Variants in UBE2D2 observed in about 807,000 individuals in gnomAD.
The protein encoded by UBE2D2 is ubiquitin-conjugating enzyme E2 D2.
UBE2D2 carries 2 observed loss-of-function variants against 24.2 expected under a neutral mutation model. The observed-to-expected ratio is 0.08, with a 90% CI of 0.03 to 0.26. The LOEUF (loss-of-function observed/expected upper bound fraction) is 0.26, where lower values mean the gene tolerates loss of function less well. Among genes scored for constraint, UBE2D2 ranks in the 10% least tolerant of loss-of-function variants. UBE2D2 has a pLI of 1.00. For missense variants in UBE2D2, 44 were observed against 177.6 expected (o/e 0.25, Z 4.28); for synonymous variants, 58 against 56.5 (o/e 1.03, Z -0.12).
chr5:139,595,895 T>G (rs554185132), intron 1 of UBE2D2, among the ~76,000 whole-genome samples: 42 of 121,526 alleles, frequency 3.5e-4, no homozygotes, highest in African/African-American at 1.1e-3. Flanking sequence ...TTTTGTTGTT[T>G]TTTTTTTTTT....
At chr5:139,592,894 C>T (rs561741222) in intron 1 of UBE2D2, among the ~76,000 whole-genome samples, 1 of 151,816 alleles carries the variant, frequency 6.6e-6, no homozygotes, top group Admixed American at 6.6e-5. Context: ...TGAGCCACCA[C>T]GCTTGGCTGC....
intron 1 of UBE2D2, among the ~76,000 whole-genome samples, chr5:139,552,302 A>G (rs1419978555): frequency 2.6e-5 from 4 of 151,648 alleles, no homozygotes; most frequent in African/African-American, 9.7e-5. Flanking sequence ...AGCTGGGATT[A>G]CAGGTGTGCA....
intron 1 of UBE2D2, among the ~76,000 whole-genome samples, chr5:139,598,717 C>A (rs1180661617): frequency 1.3e-5 from 2 of 150,860 alleles, no homozygotes; most frequent in Admixed American, 6.6e-5. Flanking sequence ...TGTGCCACCA[C>A]TCCCAGCTAA....
upstream of UBE2D2, among the ~76,000 whole-genome samples, chr5:139,558,856 A>G (rs548953786): frequency 1.3e-5 from 2 of 151,534 alleles, no homozygotes; most frequent in South Asian, 4.2e-4. Flanking sequence ...CCTGAGGTGC[A>G]GTGGAACCAC....
intron 1 of UBE2D2, among the ~76,000 whole-genome samples, chr5:139,567,056 A>AT (rs1753239499): frequency 6.6e-6 from 1 of 152,154 alleles, no homozygotes. Flanking sequence ...TACTTTCTGT[A>AT]TTTTTAAAAG....
At chr5:139,551,215 G>A (rs776099989) in intron 1 of UBE2D2, among the ~76,000 whole-genome samples, 1 of 152,050 alleles carries the variant, frequency 6.6e-6, no homozygotes, top group Non-Finnish European at 1.5e-5. Flanking sequence ...ATGTGGTGGT[G>A]GGTGCTTGTA....
At chr5:139,568,744 G>C (rs1299268106) in intron 1 of UBE2D2, among the ~76,000 whole-genome samples, 3 of 152,204 alleles carry the variant, frequency 2.0e-5, no homozygotes, top group Non-Finnish European at 4.4e-5. Flanking sequence ...ATGCCGAGGT[G>C]AGTGGATCAC....
At chr5:139,598,763 T>C (rs966898590) in intron 1 of UBE2D2, among the ~76,000 whole-genome samples, 8 of 151,530 alleles carry the variant, frequency 5.3e-5, no homozygotes, top group African/African-American at 1.9e-4. Flanking sequence ...GGTCTTGCTA[T>C]GTTGGCCAGG....
chr5:139,614,648 A>G, intron 3 of UBE2D2, 31 bp downstream of exon 3: 1 of 1,613,908 alleles, frequency 6.2e-7, no homozygotes, highest in Non-Finnish European at 8.5e-7. Flanking sequence ...CAGAATAAAC[A>G]GTTTATGTAA....
chr5:139,567,530 T>G (rs930225272), intron 1 of UBE2D2, among the ~76,000 whole-genome samples: 4 of 54,300 alleles, frequency 7.4e-5, no homozygotes, highest in African/African-American at 6.4e-4. Flanking sequence ...ATTTGCTAAG[T>G]TTTTTTTTTT....
chr5:139,548,404 G>A (rs538052131), intron 1 of UBE2D2, among the ~76,000 whole-genome samples: 5 of 151,660 alleles, frequency 3.3e-5, no homozygotes, highest in East Asian at 2.0e-4. Context: ...ATTGCTACAC[G>A]GAGTGTGGGC....
At chr5:139,590,743 A>T (rs1265119757) in intron 1 of UBE2D2, among the ~76,000 whole-genome samples, 1 of 146,930 alleles carries the variant, frequency 6.8e-6, no homozygotes, top group Non-Finnish European at 1.5e-5. Context: ...GACTGGGCCA[A>T]GCTGGGTTGT....
chr5:139,546,357 G>T (rs1383514993), intron 1 of UBE2D2, among the ~76,000 whole-genome samples: 1 of 150,924 alleles, frequency 6.6e-6, no homozygotes, highest in African/African-American at 2.4e-5. Context: ...GCTAATTTTT[G>T]CATTTTCAGT....
chr5:139,623,329 T>G (rs768741491), intron 5 of UBE2D2, 39 bp from the exon 6 acceptor site: 3 of 1,497,258 alleles, frequency 2.0e-6, no homozygotes, highest in East Asian at 4.6e-5. Context: ...ACCCTTTGCT[T>G]TGATCCTCTG....
At chr5:139,556,979 C>T (rs894961759), upstream of UBE2D2, among the ~76,000 whole-genome samples, 16 of 150,438 alleles carry the variant, frequency 1.1e-4, no homozygotes, top group African/African-American at 2.7e-4. Context: ...GGATTACAGG[C>T]GCTCACCACC....
intron 1 of UBE2D2, among the ~76,000 whole-genome samples, chr5:139,592,988 CTTTTTTCCTTTTTT>C (rs1753875604): frequency 7.0e-6 from 1 of 142,318 alleles, no homozygotes; most frequent in Admixed American, 7.1e-5. Context: ...TCAGACATTT[CTTTTTTCCTTTTTT>C]TTTTTTTTTT....
At chr5:139,601,527 T>C (rs1180361811) in intron 2 of UBE2D2, among the ~76,000 whole-genome samples, 1 of 152,166 alleles carries the variant, frequency 6.6e-6, no homozygotes, top group Non-Finnish European at 1.5e-5. Flanking sequence ...AGGTTTGCTT[T>C]AGCCTGAGCC....
chr5:139,557,956 C>T (rs981809327), upstream of UBE2D2, among the ~76,000 whole-genome samples: 3 of 151,696 alleles, frequency 2.0e-5, no homozygotes, highest in Non-Finnish European at 4.4e-5. Context: ...AAAAATTAGC[C>T]AGGCATGGTG....
At chr5:139,549,244 C>T (rs577093507) in intron 1 of UBE2D2, among the ~76,000 whole-genome samples, 59 of 152,308 alleles carry the variant, frequency 3.9e-4, no homozygotes, top group Non-Finnish European at 5.1e-4. Context: ...ACTCTGGCTG[C>T]GCTTGAGGAG....
Sources: allele counts gnomAD v4.1 joint callset (sites outside exome capture counted in the v4.1 genomes callset), GRCh38; gene constraint gnomAD v4.1.1; transcripts MANE v1.5; gene names NCBI Gene and HGNC (gene_info 2026-07-23, HGNC 2026-07-21).